KIF21A: variants seen among roughly 807,000 people sequenced by gnomAD.
KIF21A encodes kinesin family member 21A.
In KIF21A, 114 loss-of-function variants were observed where a neutral mutation model predicts 202.9. The observed-to-expected ratio is 0.56, with a 90% CI of 0.48 to 0.66. The LOEUF (loss-of-function observed/expected upper bound fraction) is 0.66. Ranked by LOEUF, KIF21A falls within the 30% of genes least tolerant of loss-of-function variation. The pLI is 0.00. For missense variants in KIF21A, 1,677 were observed against 1,994.9 expected (o/e 0.84, Z 3.04); for synonymous variants, 667 against 670.8 (o/e 0.99, Z 0.09).
Position 39,325,880 on chromosome 12 carries a change from C to G in KIF21A, c.3415G>C (p.Asp1139His), listed in dbSNP as rs753516869. Residue 1139 changes from aspartate to histidine, a missense_variant, in exon 26 of 38, where the codon GAT (aspartate) becomes CAT (histidine). Transcript: ENST00000361418. ...PGSEGSTLSS[D>H]LMKLCGEVKP... ...ACTTCACCACAAAGCTTCATGAGAT[C>G]TGAAGACAGCGTGCTATGTGCAAAT... 24 of 1,611,698 alleles carry G rather than the reference C, an allele frequency of 1.5e-5. No individual in the cohort carries two copies. The highest frequency in any genetic ancestry group is 5.1e-6 in the Non-Finnish European group (6 of 1,178,390).
chr12:39,309,850 T>C, intron 32 of KIF21A, 84 bp from the exon 33 acceptor site: 6 of 1,162,132 alleles, frequency 5.2e-6, no homozygotes, highest in Non-Finnish European at 7.4e-6. Flanking sequence ...ATTTAAATAA[T>C]TTCTCTTCTA....
chr12:39,376,773 G>A (rs544683582), intron 1 of KIF21A, among the ~76,000 whole-genome samples: 185 of 152,180 alleles, frequency 1.2e-3, no homozygotes, highest in African/African-American at 4.1e-3. Flanking sequence ...GTACTTTTCA[G>A]ACTCTCTCTT....
intron 1 of KIF21A, among the ~76,000 whole-genome samples, chr12:39,431,433 G>C (rs1937884843): frequency 6.6e-6 from 1 of 152,104 alleles, no homozygotes; most frequent in Non-Finnish European, 1.5e-5. Context: ...TAAAATAGGA[G>C]GTTAAAGGGA....
Position 39,315,920 on chromosome 12 carries a change from G to T in KIF21A, c.3947+12C>A, listed in dbSNP as rs770652677. ...AAATTCCAGAATGTAGGAAAGGCAGGAAAGAAAGTACCTGTGTACCTCCGA... is the reference window on the plus strand; with the variant it reads ...AAATTCCAGAATGTAGGAAAGGCAGTAAAGAAAGTACCTGTGTACCTCCGA... On this transcript the variant is annotated intron_variant, in intron 30 of 37. Coordinates refer to ENST00000361418, the MANE Select transcript of KIF21A (RefSeq NM_001173464.2). 7 of 1,597,064 alleles carry T rather than the reference G, an allele frequency of 4.4e-6. No individual in the cohort carries two copies. The highest frequency in any genetic ancestry group is 1.3e-5 in the African/African-American group (1 of 74,500).
At chr12:39,389,360 T>G (rs374518257) in intron 1 of KIF21A, among the ~76,000 whole-genome samples, 2 of 152,194 alleles carry the variant, frequency 1.3e-5, no homozygotes, top group Non-Finnish European at 2.9e-5. Flanking sequence ...TTTAAGAGTC[T>G]GAAATCAATA....
intron 4 of KIF21A, 91 bp downstream of exon 4, chr12:39,367,790 ATT>A: frequency 1.0e-6 from 1 of 985,054 alleles, no homozygotes; most frequent in Admixed American, 2.0e-5. Context: ...CAGGATATAA[ATT>A]TCATATCTTG....
In KIF21A at chr12:39,416,715, G is replaced by GTATATATATGTACATATATATGTGTA. The variant is rs35740569; in HGVS notation, c.44+26211_44+26212insTACACATATATATGTACATATATATA. 2.7e-5 allele frequency among the ~76,000 whole-genome samples: 2 copies of GTATATATATGTACATATATATGTGTA among 74,312 alleles called. 1 individual carries two copies. Among genetic ancestry groups the GTATATATATGTACATATATATGTGTA allele is most frequent in the African/African-American group, 1.5e-4 (2 of 13,754 alleles). 48.8% of individuals were successfully genotyped at this position (74,312 alleles called of 152,430 possible). A position where few individuals can be genotyped will look rare whatever the true frequency, so the allele number is the denominator to read the frequency against. Reference sequence around the variant, plus strand: ...TATATATATGTACATATATATGTGTGTATATATGTACATATATATGTGTAT... The same window carrying GTATATATATGTACATATATATGTGTA: ...TATATATATGTACATATATATGTGTGTATATATATGTACATATATATGTGTATATATATGTACATATATATGTGTAT... On this transcript the variant is annotated intron_variant, in intron 1 of 37. Coordinates refer to ENST00000361418, the MANE Select transcript of KIF21A (RefSeq NM_001173464.2).
intron 24 of KIF21A, 111 bp from the exon 25 acceptor site, chr12:39,326,435 A>G (rs1945923409): frequency 1.3e-6 from 1 of 745,252 alleles, no homozygotes; most frequent in Non-Finnish European, 2.4e-6. Context: ...TATGGGCACG[A>G]TGGTTTTAGT....
At chr12:39,356,560 C>A in intron 10 of KIF21A, 1 of 282,494 alleles carries the variant, frequency 3.5e-6, no homozygotes, top group Non-Finnish European at 6.5e-6. Context: ...ATAAACTTTG[C>A]CTGTTTTATA....
intron 1 of KIF21A, among the ~76,000 whole-genome samples, chr12:39,406,043 T>C (rs949974462): frequency 3.9e-5 from 6 of 152,034 alleles, no homozygotes; most frequent in Admixed American, 6.6e-5. Context: ...AAAGAAAGCT[T>C]AGAACATTCA....
Position 39,333,961 on chromosome 12 carries a change from G to C in KIF21A, c.2419-681C>G, listed in dbSNP as rs572005826. Among the ~76,000 whole-genome samples the C allele has an allele frequency of 8.6e-5, 13 of 152,030 alleles. No homozygotes were observed. The East Asian group carries it at 2.1e-3, about 25-fold the overall frequency. On this transcript the variant is annotated intron_variant, in intron 17 of 37. Coordinates refer to ENST00000361418, the MANE Select transcript of KIF21A (RefSeq NM_001173464.2). ...TCATGCCTGTAATCCCAGCACTTTG[G>C]GAGGTCAAGGTGGGAGAATCACTTC...
chr12:39,331,609 G>A (rs1946513072), intron 22 of KIF21A, 81 bp downstream of exon 22: 2 of 907,472 alleles, frequency 2.2e-6, no homozygotes, highest in African/African-American at 1.6e-5. Context: ...ACAAAGCAAA[G>A]GGTTACTACA....
rs539177784 is a variant in KIF21A at position 39,422,131 on chromosome 12, G to T, written c.44+20796C>A. ...GTACCACCACATCCAGCTAATTTTT[G>T]TTTTTTTTTTTAATAGAGAGGGTTT... is the stretch of plus-strand genomic sequence containing the variant. On this transcript the variant is annotated intron_variant, in intron 1 of 37. Transcript: ENST00000361418. 2.4e-3 allele frequency among the ~76,000 whole-genome samples: 342 copies of T among 140,458 alleles called. 1 individual carries two copies. Among genetic ancestry groups the T allele is most frequent in the African/African-American group, 8.1e-3 (301 of 37,220 alleles). The allele number at this position is 140,458 out of a possible 152,430, so 92.1% of individuals were successfully genotyped here. A position where few individuals can be genotyped will look rare whatever the true frequency, so the allele number is the denominator to read the frequency against.
At chr12:39,389,027 ATATATGTTT>A (rs765705706) in intron 1 of KIF21A, among the ~76,000 whole-genome samples, 32 of 152,164 alleles carry the variant, frequency 2.1e-4, no homozygotes, top group Admixed American at 2.6e-4. Flanking sequence ...GTATTAGTAC[ATATATGTTT>A]TAGAGTTTGT....
chr12:39,361,587 T>TCTCCGCTCACTGCAAG (rs200302183), intron 7 of KIF21A, among the ~76,000 whole-genome samples: 60,028 of 110,854 alleles, frequency 0.54, 18,142 homozygotes, highest in East Asian at 0.83. Context: ...AGTGGCACGA[T>TCTCCGCTCACTGCAAG]CTCCGCCTCC....
rs975035441 is a variant in KIF21A, at chr12:39,363,735, G to A, written c.904-522C>T. Reference sequence around the variant, plus strand: ...TCTATCCTTAGACATACAATAAGATGGGCTGGGTGCAGTGGCTCATTCCTA... The same window carrying A: ...TCTATCCTTAGACATACAATAAGATAGGCTGGGTGCAGTGGCTCATTCCTA... On this transcript the variant is annotated intron_variant, in intron 6 of 37. Coordinates refer to ENST00000361418, the MANE Select transcript of KIF21A (RefSeq NM_001173464.2). Among the ~76,000 whole-genome samples, 11 of 152,238 alleles carry A rather than the reference G, an allele frequency of 7.2e-5. No individual in the cohort carries two copies. The South Asian group carries it at 1.9e-3, about 26-fold the overall frequency.
intron 19 of KIF21A, 60 bp from the exon 20 acceptor site, chr12:39,332,804 C>A (rs1946625137): frequency 6.3e-7 from 1 of 1,596,526 alleles, no homozygotes; most frequent in Admixed American, 1.7e-5. Context: ...TTGTGCACTG[C>A]CAAATAATGA....
At chr12:39,295,206 T>G (rs899523020) in intron 37 of KIF21A, among the ~76,000 whole-genome samples, 2 of 152,246 alleles carry the variant, frequency 1.3e-5, no homozygotes, top group African/African-American at 4.8e-5. Context: ...TTATTGTTCA[T>G]TGAAATTGAA....
At chr12:39,339,157 T>C (rs1465201913) in intron 16 of KIF21A, among the ~76,000 whole-genome samples, 1 of 149,746 alleles carries the variant, frequency 6.7e-6, no homozygotes, top group Non-Finnish European at 1.5e-5. Context: ...TGTGCACCTA[T>C]AGTCCCAGCT....
Sources: gnomAD v4.1 joint callset for allele counts (sites outside exome capture counted in the v4.1 genomes callset) on GRCh38, gnomAD v4.1.1 for gene constraint, MANE v1.5 for transcripts, NCBI Gene and HGNC (gene_info 2026-07-23, HGNC 2026-07-21) for gene names.